Variants in TEC observed in about 807,000 individuals in gnomAD.
The protein encoded by TEC is tec protein tyrosine kinase.
A neutral mutation model predicts 93.0 loss-of-function variants in TEC; 72 were observed. That is an observed-to-expected ratio of 0.77 (90% CI 0.64 to 0.94). The LOEUF is 0.94. Ranked by LOEUF, TEC falls within the 40% of genes least tolerant of loss-of-function variation. The pLI, the probability that TEC is intolerant of heterozygous loss-of-function variation, is 0.00. For missense variants in TEC, 630 were observed against 757.9 expected (o/e 0.83, Z 1.98); for synonymous variants, 249 against 247.7 (o/e 1.01, Z -0.05).
chr4:48,201,066 G>A (rs1722488232), intron 2 of TEC, among the ~76,000 whole-genome samples: 2 of 152,218 alleles, frequency 1.3e-5, no homozygotes, highest in South Asian at 2.1e-4. Context: ...GGTAATGGTG[G>A]TTTGGATCAT....
chr4:48,226,172 T>C (rs1723453023), intron 2 of TEC, among the ~76,000 whole-genome samples: 1 of 152,220 alleles, frequency 6.6e-6, no homozygotes, highest in Non-Finnish European at 1.5e-5. Flanking sequence ...GCAATTGCAA[T>C]ATATTTCAAT....
chr4:48,251,956 C>G (rs908151658), intron 1 of TEC, among the ~76,000 whole-genome samples: 2 of 151,992 alleles, frequency 1.3e-5, no homozygotes, highest in Admixed American at 1.3e-4. Context: ...TTTACAAAGA[C>G]GAAGAAGCAA....
At chr4:48,180,307 C>T (rs1721532605) in intron 2 of TEC, among the ~76,000 whole-genome samples, 1 of 152,104 alleles carries the variant, frequency 6.6e-6, no homozygotes, top group Non-Finnish European at 1.5e-5. Context: ...ATTTATTCTG[C>T]CAGCAAATAC....
chr4:48,186,710 TCCAGGAGGTGGGGGGCAGCCCCCGC>T (rs1721876689), intron 2 of TEC, among the ~76,000 whole-genome samples: 1 of 149,268 alleles, frequency 6.7e-6, no homozygotes, highest in South Asian at 2.1e-4. Flanking sequence ...AGCCGCCCCG[TCCAGGAGGTGGGGGGCAGCCCCCGC>T]CCGGTCAGCC....
intron 1 of TEC, among the ~76,000 whole-genome samples, chr4:48,260,741 C>T (rs1226804879): frequency 6.6e-6 from 1 of 152,090 alleles, no homozygotes; most frequent in Non-Finnish European, 1.5e-5. Flanking sequence ...AAAGTAACTA[C>T]CTGTGTATAA....
chr4:48,145,246 G>C lies in TEC; in HGVS notation c.1303C>G (p.Gln435Glu). 1 of 1,614,136 alleles carries C rather than the reference G, an allele frequency of 6.2e-7. No homozygotes were observed. The highest frequency in any genetic ancestry group is 8.5e-7 in the Non-Finnish European group (1 of 1,180,020). The part of the protein sequence containing the change: ...LVQLYGVCTQ[Q>E]KPIYIVTEFM... The stretch of plus-strand genomic sequence containing the variant: ...TCAGTAACAATGTATATTGGTTTCT[G>C]CTGGGTGCACACACCATAAAGCTGC... Residue 435 changes from glutamine (Q) to glutamate (E), a missense_variant, in exon 14 of 18, where the codon CAG (glutamine) becomes GAG (glutamate). Coordinates refer to ENST00000381501, the MANE Select transcript of TEC (RefSeq NM_003215.3).
chr4:48,266,664 C>A (rs1724643547), intron 1 of TEC, among the ~76,000 whole-genome samples: 1 of 152,044 alleles, frequency 6.6e-6, no homozygotes, highest in Non-Finnish European at 1.5e-5. Context: ...ATGGAGAAAC[C>A]CCATCTCTAC....
At chr4:48,262,214 T>TTTTTTTTTTTTTTTTTTTTTGG in intron 1 of TEC, among the ~76,000 whole-genome samples, 1 of 145,170 alleles carries the variant, frequency 6.9e-6, no homozygotes, top group African/African-American at 2.5e-5. Context: ...TTTTTTTTTT[T>TTTTTTTTTTTTTTTTTTTTTGG]GAGACGGAGT....
intron 1 of TEC, among the ~76,000 whole-genome samples, chr4:48,233,765 G>A (rs1233416940): frequency 2.7e-5 from 4 of 146,174 alleles, no homozygotes; most frequent in Admixed American, 6.8e-5. Context: ...TAAAATGACA[G>A]AACTTAAAAA....
chr4:48,168,924 A>C (rs537260402), intron 5 of TEC, among the ~76,000 whole-genome samples: 4 of 152,358 alleles, frequency 2.6e-5, no homozygotes, highest in Admixed American at 2.6e-4. Context: ...ATGCTCATGG[A>C]ATCAAACATT....
chr4:48,255,317 C>G (rs1724313576), intron 1 of TEC, among the ~76,000 whole-genome samples: 1 of 152,112 alleles, frequency 6.6e-6, no homozygotes, highest in Non-Finnish European at 1.5e-5. Context: ...GGAAGAGCTC[C>G]CCCTTTCCTA....
chr4:48,253,702 G>A (rs2109671930), intron 1 of TEC, among the ~76,000 whole-genome samples: 1 of 151,594 alleles, frequency 6.6e-6, no homozygotes, highest in Admixed American at 6.6e-5. Flanking sequence ...AGCATCCCGA[G>A]TAGCTGGGAC....
intron 2 of TEC, among the ~76,000 whole-genome samples, chr4:48,214,941 T>C (rs1723022832): frequency 6.6e-6 from 1 of 151,718 alleles, no homozygotes; most frequent in Non-Finnish European, 1.5e-5. Context: ...TGACAAGAAG[T>C]GAGGAATTCA....
chr4:48,141,167 G>T (rs1443364834), intron 15 of TEC, among the ~76,000 whole-genome samples, 188 bp downstream of exon 15: 1 of 152,092 alleles, frequency 6.6e-6, no homozygotes, highest in Non-Finnish European at 1.5e-5. Flanking sequence ...AGGAAATACA[G>T]TGTATTTAAC....
intron 2 of TEC, among the ~76,000 whole-genome samples, chr4:48,191,949 G>A (rs1722107466): frequency 6.6e-6 from 1 of 152,120 alleles, no homozygotes; most frequent in Non-Finnish European, 1.5e-5. Context: ...ATATGCAGGT[G>A]AAGTCTAACA....
intron 2 of TEC, among the ~76,000 whole-genome samples, chr4:48,217,692 C>A (rs1233494505): frequency 6.6e-6 from 1 of 151,646 alleles, no homozygotes; most frequent in Non-Finnish European, 1.5e-5. Flanking sequence ...ATGTCTTGAC[C>A]AACTGAATGC....
rs1285459064 is a variant in TEC at position 48,137,181 on chromosome 4, G to C, written c.*235C>G. 1.9e-6 allele frequency: 1 copy of C among 517,426 alleles called. No individual in the cohort carries two copies. Among genetic ancestry groups the C allele is most frequent in the African/African-American group, 2.0e-5 (1 of 51,058 alleles). 32.1% of individuals were successfully genotyped at this position (517,426 alleles called of 1,614,324 possible). ...AACAACTGTCACTCAAGTGCCTGAG[G>C]AATGAATAGAAATGAGTGATTTTAA... is the stretch of plus-strand genomic sequence containing the variant. On this transcript the variant is annotated 3_prime_UTR_variant, in exon 18 of 18. Coordinates refer to ENST00000381501, the MANE Select transcript of TEC (RefSeq NM_003215.3).
chr4:48,172,575 CAGG>C (rs1207984646), intron 3 of TEC, among the ~76,000 whole-genome samples: 1 of 151,984 alleles, frequency 6.6e-6, no homozygotes, highest in Non-Finnish European at 1.5e-5. Context: ...GCTAGGATTA[CAGG>C]TGTGAGAGCC....
Position 48,135,796 on chromosome 4 carries a change from A to T in TEC, c.*1620T>A, listed in dbSNP as rs1719387977. On this transcript the variant is annotated 3_prime_UTR_variant, in exon 18 of 18. Coordinates refer to ENST00000381501, the MANE Select transcript of TEC (RefSeq NM_003215.3). ...GGCAGATTGTGATAAGGCTCGGGAT[A>T]AGCAGTTTACTTTCTTCCATTATGA... is the stretch of plus-strand genomic sequence containing the variant. 6.6e-6 allele frequency: 1 copy of T among 152,226 alleles called. No homozygotes were observed. Among genetic ancestry groups the T allele is most frequent in the African/African-American group, 2.4e-5 (1 of 41,444 alleles). The allele number at this position is 152,226 out of a possible 1,614,324, so 9.4% of individuals were successfully genotyped here.
Sources: gnomAD v4.1 joint callset for allele counts (sites outside exome capture counted in the v4.1 genomes callset) on GRCh38, gnomAD v4.1.1 for gene constraint, MANE v1.5 for transcripts, NCBI Gene and HGNC (gene_info 2026-07-23, HGNC 2026-07-21) for gene names.